SRPK1: variants seen among roughly 807,000 people sequenced by gnomAD.
SRPK1 encodes the protein SFRS protein kinase 1.
Under a neutral mutation model 89.5 loss-of-function variants are expected in SRPK1, and 52 were observed. The observed-to-expected ratio is 0.58, with a 90% CI of 0.46 to 0.73. The LOEUF is 0.73. SRPK1 is among the 30% of genes least tolerant of loss of function. The probability of loss-of-function intolerance (pLI) is 0.00; values close to 1 mark genes in which losing one functional copy is unlikely to be tolerated. For missense variants in SRPK1, 603 were observed against 780.6 expected (o/e 0.77, Z 2.71); for synonymous variants, 255 against 270.2 (o/e 0.94, Z 0.55).
At chr6:35,856,692 A>T in intron 13 of SRPK1, among the ~76,000 whole-genome samples, 1 of 152,352 alleles carries the variant, frequency 6.6e-6, no homozygotes, top group East Asian at 1.9e-4. Flanking sequence ...AAAGATATTA[A>T]GGAGTATAAT....
chr6:35,838,728 T>G (rs767096095), intron 14 of SRPK1: 1 of 1,425,194 alleles, frequency 7.0e-7, no homozygotes. Flanking sequence ...AGAAGTCTTG[T>G]GAATATTTCC....
At chr6:35,909,672 A>T (rs1770920889) in intron 2 of SRPK1, among the ~76,000 whole-genome samples, 1 of 152,224 alleles carries the variant, frequency 6.6e-6, no homozygotes. Flanking sequence ...GGGAGAGACC[A>T]CGTGGGAGGT....
intron 2 of SRPK1, among the ~76,000 whole-genome samples, chr6:35,919,248 T>C (rs188329522): frequency 2.0e-5 from 3 of 152,322 alleles, no homozygotes; most frequent in Admixed American, 2.0e-4. Context: ...ATACATTTCA[T>C]AAGACAGAAG....
At chr6:35,864,138 T>C (rs529917254) in intron 12 of SRPK1, among the ~76,000 whole-genome samples, 18 of 151,978 alleles carry the variant, frequency 1.2e-4, no homozygotes, top group Non-Finnish European at 2.4e-4. Context: ...TGGGCAAAAA[T>C]TTTCTTGAGC....
chr6:35,868,219 T>C (rs1174344528), intron 12 of SRPK1, among the ~76,000 whole-genome samples: 1 of 152,032 alleles, frequency 6.6e-6, no homozygotes, highest in Non-Finnish European at 1.5e-5. Flanking sequence ...GGTGATCTCA[T>C]GTGATCCGCC....
intron 6 of SRPK1, among the ~76,000 whole-genome samples, chr6:35,883,502 CTCT>C (rs1470137293): frequency 6.6e-6 from 1 of 152,074 alleles, no homozygotes; most frequent in Non-Finnish European, 1.5e-5. Context: ...TAAAGCTATT[CTCT>C]TATGTTTCTA....
intron 12 of SRPK1, among the ~76,000 whole-genome samples, chr6:35,861,089 G>C (rs1769772119): frequency 6.6e-6 from 1 of 152,280 alleles, no homozygotes; most frequent in Admixed American, 6.5e-5. Context: ...GGTAGTATGT[G>C]CCTCATCCAC....
chr6:35,906,369 C>T (rs566141478), intron 2 of SRPK1, among the ~76,000 whole-genome samples: 3 of 152,184 alleles, frequency 2.0e-5, no homozygotes, highest in South Asian at 2.1e-4. Context: ...GGATTACAGG[C>T]GTGCACCATC....
chr6:35,868,273 C>T lies in SRPK1; in HGVS notation c.1512+737G>A, dbSNP rs111769919. On this transcript the variant is annotated intron_variant, in intron 12 of 15. Coordinates refer to ENST00000373825, the MANE Select transcript of SRPK1 (RefSeq NM_003137.5). ...TGCTGGGATTACAGGCATGAGCCAC[C>T]GTGCCTGGCTAACTGAAGTATCCTT... Among the ~76,000 whole-genome samples, 17 of 152,216 alleles carry T rather than the reference C, an allele frequency of 1.1e-4. 1 individual carries two copies. In the South Asian group the frequency reaches 1.7e-3, roughly 15 times the overall value.
chr6:35,848,013 C>T (rs984804086), intron 13 of SRPK1, among the ~76,000 whole-genome samples: 2 of 151,898 alleles, frequency 1.3e-5, no homozygotes, highest in Non-Finnish European at 2.9e-5. Context: ...TGGGATTTTG[C>T]CATGTTGCCC....
At chr6:35,893,212 C>T (rs1581590843) in intron 2 of SRPK1, among the ~76,000 whole-genome samples, 1 of 152,150 alleles carries the variant, frequency 6.6e-6, no homozygotes, top group African/African-American at 2.4e-5. Flanking sequence ...GGGCCGGTTG[C>T]GGTGGCTCAC....
intron 6 of SRPK1, among the ~76,000 whole-genome samples, chr6:35,882,894 C>T (rs998496594): frequency 6.4e-4 from 97 of 152,098 alleles, no homozygotes; most frequent in African/African-American, 2.1e-3. Flanking sequence ...CTGCAACCTC[C>T]GCCTCCCAGG....
chr6:35,915,276 G>A (rs1486797824), intron 2 of SRPK1, among the ~76,000 whole-genome samples: 2 of 151,698 alleles, frequency 1.3e-5, no homozygotes, highest in Non-Finnish European at 2.9e-5. Flanking sequence ...GCATGGTGGC[G>A]GGCGCCTGTA....
At chr6:35,887,914 T>C in intron 5 of SRPK1, 110 bp downstream of exon 5, 1 of 740,956 alleles carries the variant, frequency 1.3e-6, no homozygotes, top group Admixed American at 3.7e-5. Flanking sequence ...TACTAGAACT[T>C]TATAGAGAAA....
At chr6:35,842,359 T>C (rs1004177735) in intron 14 of SRPK1, among the ~76,000 whole-genome samples, 176 bp downstream of exon 14, 5 of 152,328 alleles carry the variant, frequency 3.3e-5, no homozygotes, top group Non-Finnish European at 2.9e-5. Flanking sequence ...CTTTAGTATC[T>C]TTCAGAAAAT....
At chr6:35,885,012 C>T (rs543859134) in intron 6 of SRPK1, among the ~76,000 whole-genome samples, 1 of 152,004 alleles carries the variant, frequency 6.6e-6, no homozygotes, top group South Asian at 2.1e-4. Flanking sequence ...AAATTCAAAC[C>T]TACTAAGATA....
chr6:35,844,030 A>C (rs1445044599), intron 13 of SRPK1, among the ~76,000 whole-genome samples: 1 of 122,178 alleles, frequency 8.2e-6, no homozygotes, highest in Non-Finnish European at 1.7e-5. Flanking sequence ...TTTTGGATGG[A>C]GTCTCGCTCT....
At chr6:35,882,457 C>T (rs1405032985) in intron 6 of SRPK1, among the ~76,000 whole-genome samples, 1 of 152,048 alleles carries the variant, frequency 6.6e-6, no homozygotes, top group Non-Finnish European at 1.5e-5. Flanking sequence ...GCTGGGACTA[C>T]AGGCATGAGC....
intron 13 of SRPK1, among the ~76,000 whole-genome samples, chr6:35,846,497 C>T (rs1381443018): frequency 6.8e-6 from 1 of 147,858 alleles, no homozygotes; most frequent in African/African-American, 2.5e-5. Context: ...GAGGGTGAGC[C>T]GAGATTGTAC....
Sources: allele counts gnomAD v4.1 joint callset (sites outside exome capture counted in the v4.1 genomes callset), GRCh38; gene constraint gnomAD v4.1.1; transcripts MANE v1.5; gene names NCBI Gene and HGNC (gene_info 2026-07-23, HGNC 2026-07-21).